Variants in RPTOR observed in about 807,000 individuals in gnomAD.
RPTOR encodes the protein regulatory-associated protein of mTOR.
RPTOR carries 21 observed loss-of-function variants against 169.9 expected under a neutral mutation model. The observed-to-expected ratio is 0.12, with a 90% CI of 0.09 to 0.18. The LOEUF (loss-of-function observed/expected upper bound fraction) is 0.18. Ranked by LOEUF, RPTOR falls within the 10% of genes least tolerant of loss-of-function variation. The pLI is 1.00. For missense variants in RPTOR, 1,133 were observed against 1,855.9 expected (o/e 0.61, Z 7.16); for synonymous variants, 732 against 753.2 (o/e 0.97, Z 0.46).
intron 3 of RPTOR, among the ~76,000 whole-genome samples, chr17:80,678,754 G>A (rs141471377): frequency 1.8e-4 from 27 of 152,322 alleles, no homozygotes; most frequent in African/African-American, 6.3e-4. Flanking sequence ...GGTGGAAGGA[G>A]CGGCGCCCTG....
Position 80,629,463 on chromosome 17 carries a change from A to G in RPTOR, c.265+3670A>G, listed in dbSNP as rs564482871. On this transcript the variant is annotated intron_variant, in intron 2 of 33. Transcript: ENST00000306801. Reference sequence around the variant, plus strand: ...TGTGTGTCTCTCTCTTCTGGGACTCAGCTCTCTATGTATTGCGCTGTTGGA... The same window carrying G: ...TGTGTGTCTCTCTCTTCTGGGACTCGGCTCTCTATGTATTGCGCTGTTGGA... 1.1e-4 allele frequency among the ~76,000 whole-genome samples: 16 copies of G among 150,782 alleles called. 1 individual carries two copies. Among genetic ancestry groups the G allele is most frequent in the African/African-American group, 3.9e-4 (16 of 40,822 alleles).
At chr17:80,740,705 A>C (rs2066474692) in intron 5 of RPTOR, among the ~76,000 whole-genome samples, 1 of 152,214 alleles carries the variant, frequency 6.6e-6, no homozygotes, top group Non-Finnish European at 1.5e-5. Context: ...AAACTCTTTC[A>C]TGCGAGAGAA....
rs551723891 is a variant in RPTOR, at chr17:80,667,185, A to G, written c.348+23375A>G. On this transcript the variant is annotated intron_variant, in intron 3 of 33. Coordinates refer to ENST00000306801, the MANE Select transcript of RPTOR (RefSeq NM_020761.3). ...TTTCCAGTACAGCTTGTTGCCCCCC[A>G]GGGAGGCAGGGAAGTAAGTCCATAC... is the stretch of plus-strand genomic sequence containing the variant. Among the ~76,000 whole-genome samples the G allele has an allele frequency of 7.2e-5, 11 of 152,244 alleles. No individual in the cohort carries two copies. In the South Asian group the frequency reaches 2.3e-3, roughly 32 times the overall value.
intron 5 of RPTOR, chr17:80,743,219 T>G: frequency 1.0e-6 from 1 of 983,092 alleles, no homozygotes; most frequent in Non-Finnish European, 1.2e-6. Context: ...CTCTCTCTCT[T>G]ATGACTCAGT....
intron 1 of RPTOR, among the ~76,000 whole-genome samples, chr17:80,601,378 C>T (rs2065185322): frequency 3.8e-5 from 1 of 26,080 alleles, no homozygotes. Context: ...GGCTGTGCAG[C>T]CGCAGCGCCG....
chr17:80,589,506 T>C (rs1752079433), intron 1 of RPTOR, among the ~76,000 whole-genome samples: 1 of 152,236 alleles, frequency 6.6e-6, no homozygotes, highest in Non-Finnish European at 1.5e-5. Flanking sequence ...ATATTGAGGC[T>C]TTGATTGTGA....
chr17:80,884,058 C>T lies in RPTOR; in HGVS notation c.1842+86C>T. 4.4e-6 allele frequency: 6 copies of T among 1,369,772 alleles called. No individual in the cohort carries two copies. In the South Asian group the frequency reaches 5.4e-5, roughly 12 times the overall value. The allele number at this position is 1,369,772 out of a possible 1,614,324, so 84.9% of individuals were successfully genotyped here. On this transcript the variant is annotated intron_variant, in intron 16 of 33. Coordinates refer to ENST00000306801, the MANE Select transcript of RPTOR (RefSeq NM_020761.3). ...GAGGTCTGCTCGCGTGCGGGTGTGG[C>T]CGGCCACGTGTCCAGGAACTTCAGG... is the stretch of plus-strand genomic sequence containing the variant.
intron 17 of RPTOR, among the ~76,000 whole-genome samples, chr17:80,890,203 G>A (rs2068303176): frequency 6.6e-6 from 1 of 152,198 alleles, no homozygotes; most frequent in African/African-American, 2.4e-5. Flanking sequence ...GAATCGAAGG[G>A]CCCACCACCT....
intron 4 of RPTOR, among the ~76,000 whole-genome samples, chr17:80,710,598 T>C (rs996900643): frequency 5.9e-5 from 9 of 151,914 alleles, no homozygotes; most frequent in Non-Finnish European, 1.0e-4. Flanking sequence ...TGTGTGTGTG[T>C]GTGTGTGTGT....
chr17:80,862,198 G>C (rs981213922), intron 13 of RPTOR, among the ~76,000 whole-genome samples: 8 of 152,120 alleles, frequency 5.3e-5, no homozygotes, highest in Admixed American at 5.2e-4. Flanking sequence ...CTGCCTGCAG[G>C]CATCACAGGC....
rs2067047858 is a variant in RPTOR at position 80,791,512 on chromosome 17, A to G, written c.890+3A>G. 1 of 1,613,112 alleles carries G rather than the reference A, an allele frequency of 6.2e-7. No homozygotes were observed. The highest frequency in any genetic ancestry group is 8.5e-7 in the Non-Finnish European group (1 of 1,179,720). The stretch of plus-strand genomic sequence containing the variant: ...GTCACACTGGATTTGATAGAAAAGT[A>G]AGTAGGATTTTTAAGCTCTTGTGGC... On this transcript the variant is annotated splice_donor_region_variant and intron_variant, in intron 7 of 33. Transcript: ENST00000306801.
intron 11 of RPTOR, among the ~76,000 whole-genome samples, chr17:80,853,051 G>A (rs74004015): frequency 0.07 from 10,678 of 152,058 alleles, 1,200 homozygotes; most frequent in African/African-American, 0.24. Context: ...TTGGCACCCT[G>A]GTCAAACCCA....
intron 1 of RPTOR, among the ~76,000 whole-genome samples, chr17:80,563,361 C>T (rs1179423294): frequency 4.0e-5 from 6 of 151,284 alleles, no homozygotes; most frequent in Non-Finnish European, 5.9e-5. Context: ...AGTGAAACCC[C>T]GTCTCTACTA....
At position 80,945,711 on chromosome 17, in the gene RPTOR, G is replaced by A. The variant is rs757342290; in HGVS notation, c.3070G>A (p.Gly1024Ser). 17 of 1,611,188 alleles carry A rather than the reference G, an allele frequency of 1.1e-5. No individual in the cohort carries two copies. The highest frequency in any genetic ancestry group is 6.7e-5 in the East Asian group (3 of 44,544). ...DDQIFLNRNP[G>S]VPSVVKFHPF... ...CCAAATATTTCTGAACAGGAACCCC[G>A]GCGTCCCCTCTGTGGTGAAATTCCA... Residue 1024 changes from glycine to serine, a missense_variant, in exon 26 of 34, where the codon GGC (glycine) becomes AGC (serine). Around this residue, in one of 9 missense-constraint regions of RPTOR, gnomAD observed 410 missense variants for 623.7 expected, o/e 0.66. Coordinates refer to ENST00000306801, the MANE Select transcript of RPTOR (RefSeq NM_020761.3).
intron 2 of RPTOR, among the ~76,000 whole-genome samples, chr17:80,641,482 G>A (rs1040303390): frequency 6.6e-6 from 1 of 152,018 alleles, no homozygotes; most frequent in Non-Finnish European, 1.5e-5. Flanking sequence ...TTTTATCAGA[G>A]TAACATACAT....
At chr17:80,907,641 C>G (rs9916561) in intron 20 of RPTOR, among the ~76,000 whole-genome samples, 2,928 of 143,808 alleles carry the variant, frequency 0.02, 103 homozygotes, top group African/African-American at 0.067. Flanking sequence ...GTGCCTGCCC[C>G]CCCTTCTGGT....
intron 1 of RPTOR, among the ~76,000 whole-genome samples, chr17:80,601,572 T>TTTTTTTTTTTTA (rs1491485204): frequency 2.1e-5 from 1 of 48,598 alleles, no homozygotes; most frequent in African/African-American, 1.1e-4. Flanking sequence ...TTTTTTTTTT[T>TTTTTTTTTTTTA]AAATTTATTT....
chr17:80,776,273 G>C (rs2066890949), intron 6 of RPTOR, among the ~76,000 whole-genome samples: 2 of 150,456 alleles, frequency 1.3e-5, no homozygotes, highest in African/African-American at 4.9e-5. Flanking sequence ...CTGGGAATAA[G>C]ATCAGTAGGT....
At chr17:80,632,856 G>A (rs2065452461) in intron 2 of RPTOR, among the ~76,000 whole-genome samples, 1 of 152,148 alleles carries the variant, frequency 6.6e-6, no homozygotes, top group African/African-American at 2.4e-5. Context: ...CCAGGCTGGA[G>A]TGCAGTGGCG....
Sources: allele counts gnomAD v4.1 joint callset (sites outside exome capture counted in the v4.1 genomes callset), GRCh38; gene constraint gnomAD v4.1.1; regional missense constraint gnomAD v4.1.1; transcripts MANE v1.5; gene names NCBI Gene and HGNC (gene_info 2026-07-23, HGNC 2026-07-21).